The following RAPGEF1 variants were observed in gnomAD, a reference collection of about 807,000 sequenced individuals.
RAPGEF1 encodes Rap guanine nucleotide exchange factor 1.
RAPGEF1 carries 33 observed loss-of-function variants against 143.3 expected under a neutral mutation model. That is an observed-to-expected ratio of 0.23 (90% CI 0.17 to 0.31). The LOEUF (loss-of-function observed/expected upper bound fraction) is 0.31. RAPGEF1 is among the 10% of genes least tolerant of loss of function. The probability of loss-of-function intolerance (pLI) is 1.00; values close to 1 mark genes in which losing one functional copy is unlikely to be tolerated. For missense variants in RAPGEF1, 1,199 were observed against 1,645.4 expected (o/e 0.73, Z 4.69); for synonymous variants, 629 against 676.5 (o/e 0.93, Z 1.09).
chr9:131,587,691 T>G, intron 22 of RAPGEF1, 45 bp downstream of exon 22: 1 of 1,570,254 alleles, frequency 6.4e-7, no homozygotes. Flanking sequence ...CACCCAGACG[T>G]GCCACCATCC....
At chr9:131,701,304 G>T (rs1295443736) in intron 1 of RAPGEF1, among the ~76,000 whole-genome samples, 2 of 152,162 alleles carry the variant, frequency 1.3e-5, no homozygotes, top group African/African-American at 4.8e-5. Context: ...ATGACAGAAT[G>T]AAGTTTCCTT....
intron 1 of RAPGEF1, among the ~76,000 whole-genome samples, chr9:131,659,004 G>A (rs1973272061): frequency 6.6e-6 from 1 of 152,194 alleles, no homozygotes; most frequent in Non-Finnish European, 1.5e-5. Context: ...AAAGTCAAGG[G>A]CAAGGTGGAC....
intron 1 of RAPGEF1, chr9:131,709,506 C>A: frequency 1.1e-6 from 1 of 895,416 alleles, no homozygotes; most frequent in South Asian, 1.6e-5. Flanking sequence ...ACTACCTGTG[C>A]TTTCTGCTCT....
chr9:131,728,002 G>C (rs1836786558), intron 1 of RAPGEF1, among the ~76,000 whole-genome samples: 1 of 152,132 alleles, frequency 6.6e-6, no homozygotes, highest in Non-Finnish European at 1.5e-5. Context: ...AAGTGAAAAG[G>C]GTTGACTGGG....
chr9:131,705,399 A>G (rs1327003952), intron 1 of RAPGEF1, among the ~76,000 whole-genome samples: 1 of 152,224 alleles, frequency 6.6e-6, no homozygotes, highest in Non-Finnish European at 1.5e-5. Flanking sequence ...AAATTAAATA[A>G]CACAATAAGA....
In RAPGEF1 at chr9:131,577,859, A is replaced by G. The variant is rs1951375987; in HGVS notation, c.*1638T>C. The G allele has an allele frequency of 6.6e-6, 1 of 152,214 alleles. No individual in the cohort carries two copies. The highest frequency in any genetic ancestry group is 2.1e-4 in the South Asian group (1 of 4,832). 9.4% of individuals were successfully genotyped at this position (152,214 alleles called of 1,614,324 possible). ...GCCACTGCACGGCTTTCCTCCCTCT[A>G]TCTACAGGACAAACAAAACACGGGA... On this transcript the variant is annotated 3_prime_UTR_variant, in exon 27 of 27. Coordinates refer to ENST00000683357, the MANE Select transcript of RAPGEF1 (RefSeq NM_001377935.1).
Position 131,597,929 on chromosome 9 carries a change from C to T in RAPGEF1, c.2613+270G>A, listed in dbSNP as rs567689925. Among the ~76,000 whole-genome samples, 25 of 152,294 alleles carry T rather than the reference C, an allele frequency of 1.6e-4. 1 individual carries two copies. The South Asian group carries it at 5.2e-3, about 32-fold the overall frequency. ...TTTACAGGGGTTCCATCTCCACACCCTCAGGAGTTCTGGCATCTTTAGCTA... is the reference window on the plus strand; with the variant it reads ...TTTACAGGGGTTCCATCTCCACACCTTCAGGAGTTCTGGCATCTTTAGCTA... On this transcript the variant is annotated intron_variant, in intron 16 of 26. Coordinates refer to ENST00000683357, the MANE Select transcript of RAPGEF1 (RefSeq NM_001377935.1).
At chr9:131,634,881 C>T (rs996904127) in intron 5 of RAPGEF1, among the ~76,000 whole-genome samples, 3 of 152,176 alleles carry the variant, frequency 2.0e-5, no homozygotes, top group South Asian at 4.2e-4. Flanking sequence ...GCTGGGATAT[C>T]TCTTTGGCCT....
chr9:131,709,290 G>A (rs1344444364), intron 1 of RAPGEF1, among the ~76,000 whole-genome samples: 1 of 152,074 alleles, frequency 6.6e-6, no homozygotes, highest in Non-Finnish European at 1.5e-5. Flanking sequence ...AGGTTGCAGC[G>A]AGCTGAGATC....
chr9:131,714,895 A>G (rs2131238343), intron 1 of RAPGEF1, among the ~76,000 whole-genome samples: 1 of 152,102 alleles, frequency 6.6e-6, no homozygotes, highest in South Asian at 2.1e-4. Flanking sequence ...TATTTTTTGT[A>G]GAGATAGCAT....
intron 9 of RAPGEF1, among the ~76,000 whole-genome samples, chr9:131,627,329 C>T (rs939048340): frequency 1.3e-5 from 2 of 151,240 alleles, no homozygotes; most frequent in African/African-American, 4.9e-5. Context: ...ATTATTCCAG[C>T]AAATGAATGT....
intron 1 of RAPGEF1, among the ~76,000 whole-genome samples, chr9:131,687,245 C>A (rs533385183): frequency 2.6e-5 from 4 of 152,322 alleles, no homozygotes; most frequent in African/African-American, 7.2e-5. Flanking sequence ...CGCTTGAATG[C>A]AGCGGCACGA....
Position 131,580,278 on chromosome 9 carries a change from C to T in RAPGEF1, c.3626G>A (p.Arg1209His). ...TGGCACTCACGCCTGCTGGAAGCAGCGCATGCTGTCGAGGATGTTGAACTG... is the reference window on the plus strand; with the variant it reads ...TGGCACTCACGCCTGCTGGAAGCAGTGCATGCTGTCGAGGATGTTGAACTG... Reference protein sequence around the residue: ...WQQFNILDSMRCFQQAHYDMR... With the variant: ...WQQFNILDSMHCFQQAHYDMR... The change falls in exon 26 of 27, where the codon CGC becomes CAC. Residue 1209 changes from arginine (R) to histidine (H), a missense_variant. Arg to His is a conservative substitution (Grantham distance 29, BLOSUM62 0). This residue lies in a region of RAPGEF1 where 67 missense variants were observed against 105.4 expected (regional missense o/e 0.64). Transcript: ENST00000683357. 1 of 1,613,964 alleles carries T rather than the reference C, an allele frequency of 6.2e-7. No homozygotes were observed. Among genetic ancestry groups the T allele is most frequent in the Non-Finnish European group, 8.5e-7 (1 of 1,179,834 alleles).
At chr9:131,739,631 CGGCG>C in intron 1 of RAPGEF1, 135 bp downstream of exon 1, 2 of 563,532 alleles carry the variant, frequency 3.5e-6, no homozygotes, top group Non-Finnish European at 4.5e-6. Context: ...CCAGGCGCCC[CGGCG>C]AGGCCTCGGT....
intron 5 of RAPGEF1, among the ~76,000 whole-genome samples, chr9:131,635,860 G>C (rs1040926814): frequency 1.3e-5 from 2 of 152,216 alleles, no homozygotes; most frequent in Non-Finnish European, 2.9e-5. Flanking sequence ...CTATTATGGA[G>C]GGTTGTCATG....
At chr9:131,592,279 G>A in intron 17 of RAPGEF1, 96 bp from the exon 18 acceptor site, 1 of 972,824 alleles carries the variant, frequency 1.0e-6, no homozygotes, top group Non-Finnish European at 1.6e-6. Context: ...GAGAGAGGCA[G>A]GGGAGATGGC....
rs1486264835 is a variant in RAPGEF1, at chr9:131,579,260, T to TG, written c.*236dup. On this transcript the variant is annotated 3_prime_UTR_variant, in exon 27 of 27. Transcript: ENST00000683357. ...ACCAGAAAACCACCGGTTTGTAAAT[T>TG]GGCAACAAGACCTGCCTGCTGGCTG... is the stretch of plus-strand genomic sequence containing the variant. The TG allele has an allele frequency of 3.8e-6, 2 of 520,510 alleles. No homozygotes were observed. Among genetic ancestry groups the TG allele is most frequent in the African/African-American group, 3.9e-5 (2 of 51,942 alleles). 32.2% of individuals were successfully genotyped at this position (520,510 alleles called of 1,614,324 possible). A position where few individuals can be genotyped will look rare whatever the true frequency, so the allele number is the denominator to read the frequency against.
intron 1 of RAPGEF1, among the ~76,000 whole-genome samples, chr9:131,696,154 G>A (rs1332033091): frequency 1.3e-5 from 2 of 152,176 alleles, no homozygotes; most frequent in East Asian, 1.9e-4. Context: ...GAGACAGGCT[G>A]GCGGAAGCTA....
At chr9:131,635,511 G>A (rs1459628883) in intron 5 of RAPGEF1, among the ~76,000 whole-genome samples, 1 of 152,120 alleles carries the variant, frequency 6.6e-6, no homozygotes, top group Non-Finnish European at 1.5e-5. Flanking sequence ...CCTCCTCCAA[G>A]TGGGCTGACA....
Sources: gnomAD v4.1 joint callset for allele counts (sites outside exome capture counted in the v4.1 genomes callset) on GRCh38, gnomAD v4.1.1 for gene constraint, gnomAD v4.1.1 regional missense constraint, MANE v1.5 for transcripts, NCBI Gene and HGNC (gene_info 2026-07-23, HGNC 2026-07-21) for gene names.